The following DIAPH1 variants were observed in gnomAD, a reference collection of about 807,000 sequenced individuals.
DIAPH1 encodes diaphanous related formin 1.
DIAPH1 carries 46 observed loss-of-function variants against 140.7 expected under a neutral mutation model. The ratio of observed to expected loss-of-function variants is 0.33; its 90% CI spans 0.26 to 0.42. The LOEUF is 0.42. Among genes scored for constraint, DIAPH1 ranks in the 10% least tolerant of loss-of-function variants. The probability of loss-of-function intolerance (pLI) is 1.00; values close to 1 mark genes in which losing one functional copy is unlikely to be tolerated. For synonymous variants in DIAPH1, 565 were observed against 551.6 expected, an observed-to-expected ratio of 1.02 and a Z score of -0.34; for missense variants, 1,310 against 1,558.7, an observed-to-expected ratio of 0.84 and a Z score of 2.69.
intron 16 of DIAPH1, among the ~76,000 whole-genome samples, chr5:141,573,069 AG>A (rs965924208): frequency 2.0e-5 from 3 of 152,260 alleles, no homozygotes; most frequent in Non-Finnish European, 4.4e-5. Flanking sequence ...GCTTAAAGAT[AG>A]AAAGATGAAA....
chr5:141,544,166 C>T (rs984225254), intron 18 of DIAPH1, among the ~76,000 whole-genome samples: 33 of 151,872 alleles, frequency 2.2e-4, no homozygotes, highest in African/African-American at 7.5e-4. Context: ...AAAAATTAGC[C>T]GGGCGTGGTG....
intron 1 of DIAPH1, among the ~76,000 whole-genome samples, chr5:141,595,481 CGGGACCAGGTGGA>C (rs2099899169): frequency 6.6e-6 from 1 of 152,106 alleles, no homozygotes; most frequent in Admixed American, 6.5e-5. Flanking sequence ...ATGTCAAGGG[CGGGACCAGGTGGA>C]GGTAATAGGA....
intron 7 of DIAPH1, 47 bp from the exon 8 acceptor site, chr5:141,580,930 C>G (rs1358165715): frequency 6.2e-7 from 1 of 1,613,552 alleles, no homozygotes; most frequent in Admixed American, 1.7e-5. Context: ...ACGAAAGCAT[C>G]TAACTGGGGG....
chr5:141,542,075 T>C (rs1236483640), intron 18 of DIAPH1, among the ~76,000 whole-genome samples: 1 of 152,140 alleles, frequency 6.6e-6, no homozygotes, highest in African/African-American at 2.4e-5. Context: ...AAACAGCTAC[T>C]CAAATGGATA....
rs70991705 is a variant in DIAPH1 at position 141,582,059 on chromosome 5, CAAAAAAAAAAA to C, written c.684+242_684+252del. 182 of 79,776 alleles carry C rather than the reference CAAAAAAAAAAA, an allele frequency of 2.3e-3. 1 individual carries two copies. Among genetic ancestry groups the C allele is most frequent in the African/African-American group, 0.016 (88 of 5,374 alleles). 4.9% of individuals were successfully genotyped at this position (79,776 alleles called of 1,614,324 possible). A position where few individuals can be genotyped will look rare whatever the true frequency, so the allele number is the denominator to read the frequency against. Reference sequence around the variant, plus strand: ...TGGGCAACAGAGCGAGACTCCATCTCAAAAAAAAAAAAAAAAAAAAAAAAAAAAGAGAGAGA... The same window carrying C: ...TGGGCAACAGAGCGAGACTCCATCTCAAAAAAAAAAAAAAAAAGAGAGAGA... On this transcript the variant is annotated intron_variant, in intron 7 of 27. Transcript: ENST00000389054.
chr5:141,563,462 T>C (rs115311520), intron 18 of DIAPH1: 206 of 152,306 alleles, frequency 1.4e-3, no homozygotes, highest in African/African-American at 4.8e-3. Flanking sequence ...ACATGTTACA[T>C]GTTACAAACA....
In DIAPH1 at chr5:141,515,664, T is replaced by C. The variant is rs2099885569; in HGVS notation, c.*1187A>G. 6.6e-6 allele frequency: 1 copy of C among 152,222 alleles called. No individual in the cohort carries two copies. Among genetic ancestry groups the C allele is most frequent in the Non-Finnish European group, 1.5e-5 (1 of 68,054 alleles). The allele number at this position is 152,222 out of a possible 1,614,324, so 9.4% of individuals were successfully genotyped here. On this transcript the variant is annotated 3_prime_UTR_variant, in exon 28 of 28. Coordinates refer to ENST00000389054, the MANE Select transcript of DIAPH1 (RefSeq NM_005219.5). ...CTGCACATTTGGCTTGATACATTTATACATTTATAAAAAACTCTGTGGTCT... is the reference window on the plus strand; with the variant it reads ...CTGCACATTTGGCTTGATACATTTACACATTTATAAAAAACTCTGTGGTCT...
chr5:141,561,540 T>A (rs1398163859), intron 18 of DIAPH1, among the ~76,000 whole-genome samples: 1 of 152,090 alleles, frequency 6.6e-6, no homozygotes, highest in Non-Finnish European at 1.5e-5. Context: ...TCTCCAAGCA[T>A]GTCAGACACT....
intron 27 of DIAPH1, 33 bp downstream of exon 27, chr5:141,524,110 G>A (rs372719841): frequency 1.3e-5 from 20 of 1,599,062 alleles, no homozygotes; most frequent in Admixed American, 5.0e-5. Flanking sequence ...CACCCCCTTC[G>A]ACACCCAGGA....
At chr5:141,581,718 G>A (rs985183833) in intron 7 of DIAPH1, among the ~76,000 whole-genome samples, 53 of 152,050 alleles carry the variant, frequency 3.5e-4, no homozygotes, top group African/African-American at 1.2e-3. Context: ...ATATTGCAGA[G>A]ACAATAACTA....
At chr5:141,603,577 C>T (rs563666323) in intron 1 of DIAPH1, among the ~76,000 whole-genome samples, 85 of 152,096 alleles carry the variant, frequency 5.6e-4, no homozygotes, top group African/African-American at 1.5e-3. Context: ...TTAGAAATGC[C>T]GTATAAAGAA....
intron 18 of DIAPH1, chr5:141,535,995 A>C (rs1175922992): frequency 4.3e-6 from 2 of 470,034 alleles, no homozygotes; most frequent in East Asian, 1.4e-4. Context: ...AGGTACAAAG[A>C]ACTATAAAAC....
At chr5:141,542,697 T>TGGA (rs935420220) in intron 18 of DIAPH1, among the ~76,000 whole-genome samples, 6 of 152,100 alleles carry the variant, frequency 3.9e-5, no homozygotes, top group African/African-American at 1.4e-4. Context: ...GCTAAAGGGA[T>TGGA]GGAGGAATGA....
At chr5:141,556,933 G>A (rs1211134221) in intron 18 of DIAPH1, among the ~76,000 whole-genome samples, 1 of 152,170 alleles carries the variant, frequency 6.6e-6, no homozygotes, top group East Asian at 1.9e-4. Flanking sequence ...AACCTCACGT[G>A]ATCCGCCCGC....
At chr5:141,554,266 A>C (rs2099892195) in intron 18 of DIAPH1, among the ~76,000 whole-genome samples, 1 of 152,188 alleles carries the variant, frequency 6.6e-6, no homozygotes, top group South Asian at 2.1e-4. Context: ...AACAAGAGCA[A>C]AACTCCATCC....
chr5:141,602,374 C>G (rs2099900285), intron 1 of DIAPH1, among the ~76,000 whole-genome samples: 1 of 152,154 alleles, frequency 6.6e-6, no homozygotes, highest in South Asian at 2.1e-4. Context: ...CATCACCTCA[C>G]TCGGCTAATT....
rs372568030 is a variant in DIAPH1, at chr5:141,582,270, G to C, written c.684+42C>G. 32 of 1,455,964 alleles carry C rather than the reference G, an allele frequency of 2.2e-5. No individual in the cohort carries two copies. In the African/African-American group the frequency reaches 4.5e-4, roughly 20 times the overall value. 90.2% of individuals were successfully genotyped at this position (1,455,964 alleles called of 1,614,324 possible). On this transcript the variant is annotated intron_variant, in intron 7 of 27. Transcript: ENST00000389054. ...TTTGCCAATAGAAGAGAAAGAACAGGCGTCCAGATGGGGTTTGGAATGAGA... is the reference window on the plus strand; with the variant it reads ...TTTGCCAATAGAAGAGAAAGAACAGCCGTCCAGATGGGGTTTGGAATGAGA...
chr5:141,586,132 T>A (rs1227678737), intron 3 of DIAPH1, among the ~76,000 whole-genome samples: 1 of 152,218 alleles, frequency 6.6e-6, no homozygotes, highest in African/African-American at 2.4e-5. Context: ...ATCTTCTATC[T>A]AGCCTGCTTA....
At position 141,516,655 on chromosome 5, in the gene DIAPH1, T is replaced by A; in HGVS notation, c.*196A>T. On this transcript the variant is annotated 3_prime_UTR_variant, in exon 28 of 28. Transcript: ENST00000389054. ...AGTCGGGCTCAGGCCTCCCCTGCAC[T>A]GCCCTTTCCTTCTGGCCTCCAGGCA... The A allele has an allele frequency of 1.5e-6, 1 of 665,844 alleles. No homozygotes were observed. Among genetic ancestry groups the A allele is most frequent in the Admixed American group, 2.3e-5 (1 of 43,920 alleles). 41.2% of individuals were successfully genotyped at this position (665,844 alleles called of 1,614,324 possible).
Sources: allele counts gnomAD v4.1 joint callset (sites outside exome capture counted in the v4.1 genomes callset), GRCh38; gene constraint gnomAD v4.1.1; transcripts MANE v1.5; gene names NCBI Gene and HGNC (gene_info 2026-07-23, HGNC 2026-07-21).